Variants in DCAF8L2 observed in about 807,000 individuals in gnomAD.
DCAF8L2 encodes the protein DDB1 and CUL4 associated factor 8 like 2.
For missense variants in DCAF8L2, 430 were observed against 490.7 expected (o/e 0.88, Z 1.17); for synonymous variants, 200 against 190.9 (o/e 1.05, Z -0.39).
chrX:27,509,873 T>C, the DCAF8L2 span, among the ~76,000 whole-genome samples: 3 of 111,787 alleles, frequency 2.7e-5, no homozygotes, highest in African/African-American at 9.7e-5. Context: ...ATGGAAGTCA[T>C]AATAATATCT....
At chrX:27,481,579 A>T in the DCAF8L2 span, among the ~76,000 whole-genome samples, 2 of 111,203 alleles carry the variant, frequency 1.8e-5, no homozygotes, top group East Asian at 5.6e-4. Flanking sequence ...CTATTGTAAT[A>T]AAAAAGCGAT....
intron 2 of DCAF8L2, among the ~76,000 whole-genome samples, chrX:27,657,959 G>A (rs938329661): frequency 2.7e-5 from 3 of 112,457 alleles, no homozygotes; most frequent in Non-Finnish European, 3.8e-5. Flanking sequence ...AATGAACAAA[G>A]TTAATTGTTC....
the DCAF8L2 span, among the ~76,000 whole-genome samples, chrX:27,492,760 C>T: frequency 2.7e-5 from 3 of 112,176 alleles, no homozygotes; most frequent in Non-Finnish European, 3.8e-5. Context: ...GGATTATAGG[C>T]GTGAGCCACC....
intron 1 of DCAF8L2, among the ~76,000 whole-genome samples, chrX:27,614,601 T>A (rs1390717045): frequency 1.8e-5 from 2 of 111,908 alleles, no homozygotes; most frequent in East Asian, 5.6e-4. Context: ...GTGCTATAAA[T>A]TTCCCTCTAC....
At chrX:27,477,186 G>C in the DCAF8L2 span, among the ~76,000 whole-genome samples, 3 of 112,667 alleles carry the variant, frequency 2.7e-5, no homozygotes, top group African/African-American at 9.7e-5. Flanking sequence ...CATGGTGACT[G>C]ACCTGGACAG....
At chrX:27,507,673 GATA>G in the DCAF8L2 span, among the ~76,000 whole-genome samples, 2 of 111,261 alleles carry the variant, frequency 1.8e-5, no homozygotes, top group South Asian at 3.7e-4. Flanking sequence ...TGTGAAATGG[GATA>G]ATAACAGTAA....
chrX:27,533,162 GAGAGAAAGAAAGAAAGAAAGAA>G, the DCAF8L2 span, among the ~76,000 whole-genome samples: 3 of 16,308 alleles, frequency 1.8e-4, 1 homozygote, highest in African/African-American at 6.4e-4. Context: ...GAGAGAGAGA[GAGAGAAAGAAAGAAAGAAAGAA>G]AGAAAGAAAG....
At chrX:27,518,383 T>C in the DCAF8L2 span, 1 of 790,664 alleles carries the variant, frequency 1.3e-6, no homozygotes, top group Non-Finnish European at 1.9e-6. Context: ...GAGGATTCTA[T>C]GATGGAAAAC....
the DCAF8L2 span, among the ~76,000 whole-genome samples, chrX:27,565,143 C>G: frequency 4.5e-5 from 5 of 110,661 alleles, no homozygotes; most frequent in South Asian, 1.9e-3. Flanking sequence ...CCTTAGAGGG[C>G]AAGATTTCAT....
the DCAF8L2 span, among the ~76,000 whole-genome samples, chrX:27,539,969 T>G: frequency 9.1e-6 from 1 of 110,473 alleles, no homozygotes; most frequent in Non-Finnish European, 1.9e-5. Context: ...TTGCAGTTGC[T>G]TTCATTTCAG....
At chrX:27,516,885 A>G in the DCAF8L2 span, among the ~76,000 whole-genome samples, 25 of 111,714 alleles carry the variant, frequency 2.2e-4, no homozygotes, top group South Asian at 7.5e-4. Context: ...TTACCAACAA[A>G]TGTATACTTT....
At chrX:27,507,730 A>G in the DCAF8L2 span, among the ~76,000 whole-genome samples, 2 of 111,564 alleles carry the variant, frequency 1.8e-5, no homozygotes, top group Admixed American at 9.6e-5. Context: ...TATTGACACA[A>G]TGCTCTTGAT....
intron 3 of DCAF8L2, among the ~76,000 whole-genome samples, chrX:27,682,193 G>C (rs904720125): frequency 1.3e-4 from 14 of 111,501 alleles, no homozygotes; most frequent in African/African-American, 4.2e-4. Flanking sequence ...TCAAATTTCT[G>C]ACATCCAGTG....
intron 2 of DCAF8L2, among the ~76,000 whole-genome samples, chrX:27,671,593 A>G (rs1012443724): frequency 3.6e-5 from 4 of 111,752 alleles, no homozygotes; most frequent in Non-Finnish European, 7.5e-5. Context: ...CTCTCTTTTG[A>G]TAATAGTTTT....
At chrX:27,733,688 T>G (rs1323954784) in intron 4 of DCAF8L2, among the ~76,000 whole-genome samples, 1 of 111,681 alleles carries the variant, frequency 9.0e-6, no homozygotes, top group Non-Finnish European at 1.9e-5. Flanking sequence ...TTTAATCCAT[T>G]TCCATTTGAT....
chrX:27,635,074 G>A (rs1000072543), intron 2 of DCAF8L2, among the ~76,000 whole-genome samples: 3 of 111,059 alleles, frequency 2.7e-5, no homozygotes, highest in African/African-American at 6.5e-5. Context: ...GCTCTTATGC[G>A]TAGTGTAATA....
chrX:27,693,598 C>G (rs1245641616), intron 3 of DCAF8L2, among the ~76,000 whole-genome samples: 1 of 110,777 alleles, frequency 9.0e-6, no homozygotes, highest in Non-Finnish European at 1.9e-5. Flanking sequence ...TGTTTATGCC[C>G]TTTGCTCATT....
the DCAF8L2 span, among the ~76,000 whole-genome samples, chrX:27,579,319 G>T: frequency 9.0e-6 from 1 of 110,956 alleles, no homozygotes; most frequent in African/African-American, 3.3e-5. Flanking sequence ...AGAAAACCAA[G>T]CACTGCATGT....
the DCAF8L2 span, among the ~76,000 whole-genome samples, chrX:27,482,163 C>T: frequency 2.7e-5 from 3 of 111,227 alleles, no homozygotes; most frequent in African/African-American, 9.8e-5. Flanking sequence ...CTAAATGATA[C>T]CAAATTTTTC....
Sources: gnomAD v4.1 joint callset for allele counts (sites outside exome capture counted in the v4.1 genomes callset) on GRCh38, gnomAD v4.1.1 for gene constraint, MANE v1.5 for transcripts, NCBI Gene and HGNC (gene_info 2026-07-23, HGNC 2026-07-21) for gene names.